CCDC91: variants seen among roughly 807,000 people sequenced by gnomAD.
CCDC91 encodes coiled-coil domain-containing protein 91.
A neutral mutation model predicts 63.2 loss-of-function variants in CCDC91; 48 were observed. That is an observed-to-expected ratio of 0.76 (90% CI 0.60 to 0.97). The LOEUF is 0.97. Ranked by LOEUF, CCDC91 falls within the 50% of genes least tolerant of loss-of-function variation. The pLI is 0.00. For missense variants in CCDC91, 500 were observed against 494.6 expected (o/e 1.01, Z -0.10); for synonymous variants, 167 against 165.8 (o/e 1.01, Z -0.06).
intron 12 of CCDC91, among the ~76,000 whole-genome samples, chr12:28,501,004 T>C (rs1026731883): frequency 6.6e-6 from 1 of 151,736 alleles, no homozygotes; most frequent in Non-Finnish European, 1.5e-5. Context: ...GCCCTTTATA[T>C]AGTCATTCAA....
intron 12 of CCDC91, among the ~76,000 whole-genome samples, chr12:28,503,511 G>T (rs1489320398): frequency 6.6e-6 from 1 of 152,176 alleles, no homozygotes; most frequent in Non-Finnish European, 1.5e-5. Flanking sequence ...TTCAACCATT[G>T]TGGAAGTGAG....
chr12:28,237,017 A>G (rs1475134383), intron 1 of CCDC91, among the ~76,000 whole-genome samples: 1 of 152,090 alleles, frequency 6.6e-6, no homozygotes, highest in Non-Finnish European at 1.5e-5. Flanking sequence ...TCTTTTATAG[A>G]AAATTGTAGG....
chr12:28,269,371 A>G (rs747427730), intron 3 of CCDC91, among the ~76,000 whole-genome samples: 5 of 151,756 alleles, frequency 3.3e-5, no homozygotes, highest in Non-Finnish European at 7.4e-5. Context: ...GTGATTATCT[A>G]TTCCATATCC....
At chr12:28,287,797 T>G (rs2136704962) in intron 3 of CCDC91, among the ~76,000 whole-genome samples, 1 of 152,344 alleles carries the variant, frequency 6.6e-6, no homozygotes, top group East Asian at 1.9e-4. Context: ...TTGGGCAGTA[T>G]GGCCATTTTA....
At chr12:28,193,321 A>G (rs1234287965) in intron 1 of CCDC91, among the ~76,000 whole-genome samples, 1 of 152,172 alleles carries the variant, frequency 6.6e-6, no homozygotes, top group Non-Finnish European at 1.5e-5. Flanking sequence ...AGAAATTACC[A>G]GCTGGGCGCA....
At chr12:28,433,575 C>A (rs1225287910) in intron 8 of CCDC91, among the ~76,000 whole-genome samples, 1 of 151,860 alleles carries the variant, frequency 6.6e-6, no homozygotes, top group Non-Finnish European at 1.5e-5. Flanking sequence ...TTTGTTGATT[C>A]ATGTGCCAGT....
intron 12 of CCDC91, among the ~76,000 whole-genome samples, chr12:28,500,188 G>GT (rs1565481845): frequency 3.6e-4 from 52 of 142,874 alleles, no homozygotes; most frequent in African/African-American, 1.4e-3. Flanking sequence ...TTTTTGATGG[G>GT]GTTTTTTTTT....
At position 28,503,048 on chromosome 12, in the gene CCDC91, A is replaced by G. The variant is rs940454796; in HGVS notation, c.1215+18883A>G. 2.7e-3 allele frequency among the ~76,000 whole-genome samples: 413 copies of G among 152,332 alleles called. 1 individual carries two copies. The highest frequency in any genetic ancestry group is 4.9e-3 in the Non-Finnish European group (333 of 68,028). On this transcript the variant is annotated intron_variant, in intron 12 of 12. Transcript: ENST00000536442. Reference sequence around the variant, plus strand: ...GCAAGGACTTCATATTTAAAACACCAAAAGCAATGGCAACAAAAGCCAAAA... The same window carrying G: ...GCAAGGACTTCATATTTAAAACACCGAAAGCAATGGCAACAAAAGCCAAAA...
chr12:28,505,229 G>C (rs1210198896), intron 12 of CCDC91, among the ~76,000 whole-genome samples: 1 of 151,828 alleles, frequency 6.6e-6, no homozygotes, highest in Non-Finnish European at 1.5e-5. Context: ...GCTGAATTTT[G>C]TATATGAAGT....
intron 11 of CCDC91, among the ~76,000 whole-genome samples, chr12:28,456,382 A>G (rs1375734468): frequency 1.3e-5 from 2 of 152,108 alleles, no homozygotes; most frequent in Non-Finnish European, 2.9e-5. Flanking sequence ...TCTTTAGACA[A>G]TATAGTTAGG....
intron 11 of CCDC91, among the ~76,000 whole-genome samples, chr12:28,473,812 C>G (rs1950942429): frequency 6.6e-6 from 1 of 152,098 alleles, no homozygotes; most frequent in African/African-American, 2.4e-5. Context: ...TCACAAAAAG[C>G]TATTCCAAAC....
intron 7 of CCDC91, among the ~76,000 whole-genome samples, chr12:28,367,164 T>C (rs1944328987): frequency 6.6e-6 from 1 of 152,220 alleles, no homozygotes; most frequent in African/African-American, 2.4e-5. Context: ...TTAGAATTAT[T>C]TGTCAAGAAT....
intron 1 of CCDC91, among the ~76,000 whole-genome samples, chr12:28,217,030 C>T (rs1252775559): frequency 1.3e-5 from 2 of 152,050 alleles, no homozygotes; most frequent in Non-Finnish European, 2.9e-5. Context: ...TAATACTACT[C>T]AGCAATAACA....
At chr12:28,538,000 G>A (rs1468368904) in intron 12 of CCDC91, among the ~76,000 whole-genome samples, 1 of 151,958 alleles carries the variant, frequency 6.6e-6, no homozygotes, top group East Asian at 1.9e-4. Flanking sequence ...GGCAGGTTTT[G>A]CTATAATCTC....
At chr12:28,244,304 A>G (rs1945556066) in intron 1 of CCDC91, among the ~76,000 whole-genome samples, 1 of 152,154 alleles carries the variant, frequency 6.6e-6, no homozygotes, top group African/African-American at 2.4e-5. Context: ...TCAACCAACC[A>G]TCATCAGCAA....
At chr12:28,434,601 T>G (rs1327545617) in intron 8 of CCDC91, among the ~76,000 whole-genome samples, 5 of 131,200 alleles carry the variant, frequency 3.8e-5, no homozygotes, top group Non-Finnish European at 7.1e-5. Context: ...CTGGTTTTTT[T>G]TTTTTTTTTT....
At chr12:28,330,955 CAAGT>C (rs1941452576) in intron 6 of CCDC91, among the ~76,000 whole-genome samples, 2 of 152,266 alleles carry the variant, frequency 1.3e-5, no homozygotes, top group African/African-American at 4.8e-5. Flanking sequence ...ATTGTCATCA[CAAGT>C]AAGGATAATA....
At chr12:28,338,428 A>T (rs1407495172) in intron 6 of CCDC91, among the ~76,000 whole-genome samples, 2 of 151,430 alleles carry the variant, frequency 1.3e-5, no homozygotes, top group African/African-American at 4.9e-5. Context: ...GTGAATCTTG[A>T]GTGTGTGTGT....
intron 12 of CCDC91, among the ~76,000 whole-genome samples, chr12:28,536,750 A>T (rs1170665105): frequency 6.6e-6 from 1 of 152,090 alleles, no homozygotes; most frequent in Non-Finnish European, 1.5e-5. Context: ...CATTGGGACA[A>T]ATTTTCCTAA....
Sources: gnomAD v4.1 joint callset for allele counts (sites outside exome capture counted in the v4.1 genomes callset) on GRCh38, gnomAD v4.1.1 for gene constraint, MANE v1.5 for transcripts, NCBI Gene and HGNC (gene_info 2026-07-23, HGNC 2026-07-21) for gene names.